Variants in PRKAG2 observed in about 807,000 individuals in gnomAD.
The protein encoded by PRKAG2 is protein kinase AMP-activated non-catalytic subunit gamma 2, also known as 5'-AMP-activated protein kinase subunit gamma-2.
PRKAG2 carries 26 observed loss-of-function variants against 69.6 expected under a neutral mutation model. The observed-to-expected ratio is 0.37, with a 90% CI of 0.27 to 0.52. PRKAG2 has a LOEUF of 0.52. PRKAG2 is among the 20% of genes least tolerant of loss of function. PRKAG2 has a pLI of 0.90. For synonymous variants in PRKAG2, 293 were observed against 285.0 expected, an observed-to-expected ratio of 1.03 and a Z score of -0.28; for missense variants, 557 against 740.0, an observed-to-expected ratio of 0.75 and a Z score of 2.87.
intron 1 of PRKAG2, among the ~76,000 whole-genome samples, chr7:151,841,032 A>G (rs1192644226): frequency 6.6e-6 from 1 of 152,138 alleles, no homozygotes; most frequent in Non-Finnish European, 1.5e-5. Context: ...TCTGTTACCC[A>G]GCCTGAAGTG....
chr7:151,620,373 AT>A (rs1821189320), intron 5 of PRKAG2, among the ~76,000 whole-genome samples: 1 of 151,858 alleles, frequency 6.6e-6, no homozygotes, highest in African/African-American at 2.4e-5. Flanking sequence ...ATAGGATCAC[AT>A]TATGTTGCCC....
intron 1 of PRKAG2, among the ~76,000 whole-genome samples, chr7:151,857,365 T>C (rs1586733854): frequency 1.5e-5 from 2 of 135,404 alleles, no homozygotes; most frequent in South Asian, 2.4e-4. Context: ...GAGGGGGCTG[T>C]GCCCAAGGTG....
chr7:151,558,860 T>C (rs1478649630), intron 15 of PRKAG2: 2 of 985,274 alleles, frequency 2.0e-6, no homozygotes, highest in African/African-American at 3.5e-5. Flanking sequence ...TTTGAACTCA[T>C]CCAGCACAAC....
In PRKAG2 at chr7:151,567,445, A is replaced by G. The variant is rs1806516182; in HGVS notation, c.1233+1271T>C. Among the ~76,000 whole-genome samples, 3 of 152,262 alleles carry G rather than the reference A, an allele frequency of 2.0e-5. 1 individual carries two copies. In the South Asian group the frequency reaches 6.2e-4, roughly 32 times the overall value. On this transcript the variant is annotated intron_variant, in intron 11 of 15. Transcript: ENST00000287878. This position sits in a 1 kb window ranked among gnomAD's most constrained non-coding sequence, Gnocchi z 4.2. The stretch of plus-strand genomic sequence containing the variant: ...ATACAGTAATCAGCTCTCATGATTA[A>G]TATTATTTAAAAATGATGACTCTAA...
chr7:151,750,050 T>C (rs1467702995), intron 3 of PRKAG2, among the ~76,000 whole-genome samples: 1 of 138,474 alleles, frequency 7.2e-6, no homozygotes, highest in Non-Finnish European at 1.5e-5. Flanking sequence ...TGAGCCGAGA[T>C]GGTGCCACTG....
At chr7:151,830,786 GC>G (rs1472660050) in intron 1 of PRKAG2, among the ~76,000 whole-genome samples, 4 of 112,976 alleles carry the variant, frequency 3.5e-5, no homozygotes, top group African/African-American at 1.2e-4. Context: ...TGGGGGCGGG[GC>G]GGGGGGGGGT....
At chr7:151,726,879 A>T (rs1353312173) in intron 3 of PRKAG2, among the ~76,000 whole-genome samples, 1 of 152,120 alleles carries the variant, frequency 6.6e-6, no homozygotes, top group Non-Finnish European at 1.5e-5. Context: ...CTTTGCCTTA[A>T]ACATTTTTAG....
At chr7:151,751,121 G>A (rs796880299) in intron 3 of PRKAG2, among the ~76,000 whole-genome samples, 65 of 140,324 alleles carry the variant, frequency 4.6e-4, no homozygotes, top group African/African-American at 1.4e-3. Context: ...TTTTTGAGAC[G>A]GAGTCTCACT....
intron 6 of PRKAG2, among the ~76,000 whole-genome samples, chr7:151,585,864 GAGGA>G (rs756971003): frequency 5.3e-5 from 8 of 152,240 alleles, no homozygotes; most frequent in Non-Finnish European, 8.8e-5. Context: ...TACAGGAAGG[GAGGA>G]AGGAGACGGG....
At chr7:151,589,420 C>T (rs559644256) in intron 6 of PRKAG2, among the ~76,000 whole-genome samples, 6 of 152,304 alleles carry the variant, frequency 3.9e-5, no homozygotes, top group South Asian at 2.1e-4. Context: ...GTTTTGGATT[C>T]GGGTCTCAGA....
At chr7:151,808,906 G>T (rs557481360) in intron 1 of PRKAG2, among the ~76,000 whole-genome samples, 19 of 152,256 alleles carry the variant, frequency 1.2e-4, no homozygotes, top group Admixed American at 5.9e-4. Flanking sequence ...GCCGCAGTGG[G>T]GCACTTAAAG....
At chr7:151,696,224 G>T (rs1313667389) in intron 3 of PRKAG2, among the ~76,000 whole-genome samples, 2 of 152,208 alleles carry the variant, frequency 1.3e-5, no homozygotes, top group Non-Finnish European at 2.9e-5. Context: ...ATACTGGCAA[G>T]CTTCAGCCGC....
intron 8 of PRKAG2, among the ~76,000 whole-genome samples, chr7:151,573,307 C>A (rs1808087934): frequency 6.7e-6 from 1 of 148,968 alleles, no homozygotes; most frequent in South Asian, 2.1e-4. Context: ...CAGATGTACA[C>A]CACCATGCCT....
intron 3 of PRKAG2, among the ~76,000 whole-genome samples, chr7:151,718,721 C>T (rs1243531764): frequency 6.6e-6 from 1 of 151,732 alleles, no homozygotes; most frequent in Non-Finnish European, 1.5e-5. Context: ...TTTTTGGGAT[C>T]CACTACAACC....
At position 151,771,278 on chromosome 7, in the gene PRKAG2, A is replaced by G. The variant is rs557130621; in HGVS notation, c.466+9874T>C. ...TTTTGGCATTTTAAAATAAAACATT[A>G]TATCACTTCTATCAGCACCACGTTT... On this transcript the variant is annotated intron_variant, in intron 3 of 15. Transcript: ENST00000287878. This position sits in a 1 kb window ranked among gnomAD's most constrained non-coding sequence, Gnocchi z 4.0. 6.6e-6 allele frequency among the ~76,000 whole-genome samples: 1 copy of G among 152,324 alleles called. No individual in the cohort carries two copies. Among genetic ancestry groups the G allele is most frequent in the African/African-American group, 2.4e-5 (1 of 41,570 alleles).
intron 4 of PRKAG2, 108 bp downstream of exon 4, chr7:151,675,312 A>C: frequency 1.8e-6 from 2 of 1,089,536 alleles, no homozygotes; most frequent in Non-Finnish European, 2.8e-6. Context: ...TGTCGGGAGC[A>C]CACGACCTCA....
intron 4 of PRKAG2, among the ~76,000 whole-genome samples, chr7:151,670,440 G>T (rs556041916): frequency 6.6e-6 from 1 of 152,062 alleles, no homozygotes; most frequent in Non-Finnish European, 1.5e-5. Flanking sequence ...ACTGCATCTC[G>T]TCTGGGCTCC....
intron 1 of PRKAG2, among the ~76,000 whole-genome samples, chr7:151,789,817 G>A (rs1182653712): frequency 1.3e-5 from 2 of 152,208 alleles, no homozygotes; most frequent in African/African-American, 2.4e-5. Context: ...GCCTCCCAAG[G>A]AGGAGTCTCA....
At chr7:151,784,752 T>C (rs2076915625) in intron 2 of PRKAG2, among the ~76,000 whole-genome samples, 1 of 152,200 alleles carries the variant, frequency 6.6e-6, no homozygotes, top group African/African-American at 2.4e-5. Flanking sequence ...GGTTCCATTC[T>C]GTATTCTGAA....
Sources: allele counts gnomAD v4.1 joint callset (sites outside exome capture counted in the v4.1 genomes callset), GRCh38; gene constraint gnomAD v4.1.1; non-coding constraint Gnocchi (gnomAD v3.1); transcripts MANE v1.5; gene names NCBI Gene and HGNC (gene_info 2026-07-23, HGNC 2026-07-21).